SLC24A3: variants seen among roughly 807,000 people sequenced by gnomAD.
The protein encoded by SLC24A3 is sodium/potassium/calcium exchanger 3.
Under a neutral mutation model 75.8 loss-of-function variants are expected in SLC24A3, and 28 were observed. The ratio of observed to expected loss-of-function variants is 0.37; its 90% CI spans 0.27 to 0.51. SLC24A3 has a LOEUF of 0.51. Among genes scored for constraint, SLC24A3 ranks in the 20% least tolerant of loss-of-function variants. SLC24A3 has a pLI of 0.94. For missense variants in SLC24A3, 663 were observed against 847.8 expected (o/e 0.78, Z 2.71); for synonymous variants, 372 against 334.1 (o/e 1.11, Z -1.24).
intron 2 of SLC24A3, among the ~76,000 whole-genome samples, chr20:19,304,872 C>T (rs1350446388): frequency 1.3e-5 from 2 of 152,226 alleles, no homozygotes; most frequent in African/African-American, 2.4e-5. Context: ...AAATAATCTA[C>T]ACCCTGAAAA....
Position 19,721,409 on chromosome 20 carries a change from A to G in SLC24A3, c.*269A>G. ...GACTTTTCCAGCTCCATTTTTGAACAGTGACTGAGATTCTAGAAAAACTGG... is the reference window on the plus strand; with the variant it reads ...GACTTTTCCAGCTCCATTTTTGAACGGTGACTGAGATTCTAGAAAAACTGG... On this transcript the variant is annotated 3_prime_UTR_variant, in exon 17 of 17. Coordinates refer to ENST00000328041, the MANE Select transcript of SLC24A3 (RefSeq NM_020689.4). 2.6e-6 allele frequency: 1 copy of G among 380,538 alleles called. No individual in the cohort carries two copies. Among genetic ancestry groups the G allele is most frequent in the East Asian group, 4.6e-5 (1 of 21,880 alleles). The allele number at this position is 380,538 out of a possible 1,614,324, so 23.6% of individuals were successfully genotyped here.
intron 3 of SLC24A3, among the ~76,000 whole-genome samples, chr20:19,519,798 C>T (rs976532247): frequency 1.3e-5 from 2 of 152,178 alleles, no homozygotes; most frequent in African/African-American, 2.4e-5. Context: ...AAATTTTGCT[C>T]ATTATCCCCA....
At chr20:19,401,378 G>A (rs1164505170) in intron 2 of SLC24A3, among the ~76,000 whole-genome samples, 3 of 152,194 alleles carry the variant, frequency 2.0e-5, no homozygotes, top group African/African-American at 4.8e-5. Context: ...AGATGGAAAC[G>A]ATTGTTGCAT....
chr20:19,465,320 A>G (rs959712367), intron 2 of SLC24A3, among the ~76,000 whole-genome samples: 1 of 151,904 alleles, frequency 6.6e-6, no homozygotes, highest in African/African-American at 2.4e-5. Context: ...AAGTGGACAC[A>G]GTGCCCAGTC....
At chr20:19,248,581 CAGTATGA>C (rs1255072338) in intron 1 of SLC24A3, among the ~76,000 whole-genome samples, 1 of 152,036 alleles carries the variant, frequency 6.6e-6, no homozygotes, top group Non-Finnish European at 1.5e-5. Flanking sequence ...TTATGGAAAA[CAGTATGA>C]AGGTTCCTCA....
intron 6 of SLC24A3, among the ~76,000 whole-genome samples, chr20:19,639,197 A>G (rs905191830): frequency 1.3e-5 from 2 of 152,122 alleles, no homozygotes; most frequent in Non-Finnish European, 2.9e-5. Context: ...GAGTGTCCAC[A>G]CAAAGGTTCT....
At chr20:19,578,345 A>ATG (rs1260058069) in intron 3 of SLC24A3, among the ~76,000 whole-genome samples, 1 of 150,586 alleles carries the variant, frequency 6.6e-6, no homozygotes, top group Non-Finnish European at 1.5e-5. Flanking sequence ...GTGTGTGTGC[A>ATG]TGTGTGTGTG....
chr20:19,591,493 G>GTT (rs11474980), intron 6 of SLC24A3, among the ~76,000 whole-genome samples: 3 of 148,672 alleles, frequency 2.0e-5, no homozygotes, highest in African/African-American at 7.4e-5. Context: ...CCTCATACTA[G>GTT]TTTTTTTTTT....
intron 2 of SLC24A3, among the ~76,000 whole-genome samples, chr20:19,398,352 A>G (rs373482761): frequency 2.0e-5 from 3 of 152,290 alleles, no homozygotes; most frequent in Non-Finnish European, 4.4e-5. Flanking sequence ...AATTTCTCTC[A>G]GCAATGTTTT....
intron 15 of SLC24A3, among the ~76,000 whole-genome samples, chr20:19,704,337 T>C (rs1176042747): frequency 6.6e-6 from 1 of 152,220 alleles, no homozygotes; most frequent in Non-Finnish European, 1.5e-5. Context: ...CACCAGGCAC[T>C]GTAGGAACAC....
chr20:19,721,357 C>A lies in SLC24A3; in HGVS notation c.*217C>A. On this transcript the variant is annotated 3_prime_UTR_variant, in exon 17 of 17. Coordinates refer to ENST00000328041, the MANE Select transcript of SLC24A3 (RefSeq NM_020689.4). ...GCCCACCCACCCTTTCCTGCCTCCTCCGTGTGAAGACATCCAACATCCACG... is the reference window on the plus strand; with the variant it reads ...GCCCACCCACCCTTTCCTGCCTCCTACGTGTGAAGACATCCAACATCCACG... The A allele has an allele frequency of 1.9e-6, 1 of 521,100 alleles. No individual in the cohort carries two copies. Among genetic ancestry groups the A allele is most frequent in the Non-Finnish European group, 3.4e-6 (1 of 298,304 alleles). The allele number at this position is 521,100 out of a possible 1,614,324, so 32.3% of individuals were successfully genotyped here. A position where few individuals can be genotyped will look rare whatever the true frequency, so the allele number is the denominator to read the frequency against.
intron 2 of SLC24A3, among the ~76,000 whole-genome samples, chr20:19,502,502 C>T (rs1413654933): frequency 6.6e-6 from 1 of 152,100 alleles, no homozygotes; most frequent in African/African-American, 2.4e-5. Context: ...ATAGGGACCA[C>T]ATCTCAGGAC....
intron 15 of SLC24A3, among the ~76,000 whole-genome samples, chr20:19,714,869 G>T (rs2033027860): frequency 6.6e-6 from 1 of 152,254 alleles, no homozygotes; most frequent in South Asian, 2.1e-4. Flanking sequence ...GAATTTTCCT[G>T]CTAGGAGCTT....
intron 6 of SLC24A3, among the ~76,000 whole-genome samples, chr20:19,595,525 C>T (rs1298991895): frequency 3.3e-5 from 5 of 152,166 alleles, no homozygotes; most frequent in Non-Finnish European, 5.9e-5. Flanking sequence ...CCACCAGATA[C>T]ACCAAAGACA....
intron 2 of SLC24A3, among the ~76,000 whole-genome samples, chr20:19,339,877 A>T (rs7267519): frequency 0.078 from 11,870 of 152,272 alleles, 1,170 homozygotes; most frequent in African/African-American, 0.23. Flanking sequence ...TAGAAGGAAA[A>T]TGAGTGAGTT....
intron 3 of SLC24A3, among the ~76,000 whole-genome samples, chr20:19,548,901 G>T (rs934853322): frequency 1.3e-5 from 2 of 152,198 alleles, no homozygotes; most frequent in Non-Finnish European, 2.9e-5. Flanking sequence ...CATAATAAGG[G>T]ATTATTTCTT....
At chr20:19,283,660 C>T (rs1304322976) in intron 2 of SLC24A3, among the ~76,000 whole-genome samples, 3 of 152,200 alleles carry the variant, frequency 2.0e-5, no homozygotes, top group Admixed American at 2.0e-4. Flanking sequence ...GTCTTAGAGT[C>T]ACACTGACCT....
At position 19,315,644 on chromosome 20, in the gene SLC24A3, C is replaced by A. The variant is rs58864324; in HGVS notation, c.271+34557C>A. ...GAAGCGTGCACTGCTGTGCTCAGGT[C>A]ATGATCAAGAACACAGGTGCTGGTG... is the stretch of plus-strand genomic sequence containing the variant. On this transcript the variant is annotated intron_variant, in intron 2 of 16. Coordinates refer to ENST00000328041, the MANE Select transcript of SLC24A3 (RefSeq NM_020689.4). Among the ~76,000 whole-genome samples, 374 of 152,300 alleles carry A rather than the reference C, an allele frequency of 2.5e-3. 3 individuals carry two copies. The highest frequency in any genetic ancestry group is 8.8e-3 in the African/African-American group (367 of 41,562).
chr20:19,653,744 C>T (rs758221314), intron 6 of SLC24A3, among the ~76,000 whole-genome samples: 1 of 152,312 alleles, frequency 6.6e-6, no homozygotes, highest in Non-Finnish European at 1.5e-5. Context: ...GGACAGTGCA[C>T]CCAACCATCC....
Sources: gnomAD v4.1 joint callset for allele counts (sites outside exome capture counted in the v4.1 genomes callset) on GRCh38, gnomAD v4.1.1 for gene constraint, MANE v1.5 for transcripts, NCBI Gene and HGNC (gene_info 2026-07-23, HGNC 2026-07-21) for gene names.